Variants in HS6ST2 observed in about 807,000 individuals in gnomAD.
The protein encoded by HS6ST2 is heparan sulfate 6-O-sulfotransferase 2.
Under a neutral mutation model 33.0 loss-of-function variants are expected in HS6ST2, and 17 were observed. The ratio of observed to expected loss-of-function variants is 0.52; its 90% CI spans 0.35 to 0.77. HS6ST2 has a LOEUF of 0.77. HS6ST2 is among the 30% of genes least tolerant of loss of function. The probability of loss-of-function intolerance (pLI) is 0.01; values close to 1 mark genes in which losing one functional copy is unlikely to be tolerated. For missense variants in HS6ST2, 519 were observed against 551.7 expected, an observed-to-expected ratio of 0.94 and a Z score of 0.59; for synonymous variants, 248 against 237.1, an observed-to-expected ratio of 1.05 and a Z score of -0.42.
At chrX:132,657,420 AG>A (rs1367311817) in intron 4 of HS6ST2, among the ~76,000 whole-genome samples, 2 of 110,153 alleles carry the variant, frequency 1.8e-5, no homozygotes, top group Admixed American at 1.9e-4. Flanking sequence ...TGGTTGGGAA[AG>A]GACATAACGA....
intron 2 of HS6ST2, among the ~76,000 whole-genome samples, chrX:132,764,432 G>C (rs2064827168): frequency 8.9e-6 from 1 of 112,118 alleles, no homozygotes; most frequent in Non-Finnish European, 1.9e-5. Flanking sequence ...TCTTATTCTA[G>C]ACGATTCCTA....
intron 3 of HS6ST2, among the ~76,000 whole-genome samples, chrX:132,706,878 G>T (rs1465463210): frequency 9.0e-6 from 1 of 111,323 alleles, no homozygotes; most frequent in Admixed American, 9.6e-5. Flanking sequence ...TTCAAAAAGG[G>T]CCCCATTGAT....
At chrX:132,751,903 C>A (rs2064710375) in intron 2 of HS6ST2, among the ~76,000 whole-genome samples, 1 of 112,112 alleles carries the variant, frequency 8.9e-6, no homozygotes, top group East Asian at 2.8e-4. Context: ...ATCCAGTAGG[C>A]ACCTTTCCTG....
At chrX:132,765,630 T>C (rs1456985548) in intron 2 of HS6ST2, among the ~76,000 whole-genome samples, 1 of 110,704 alleles carries the variant, frequency 9.0e-6, no homozygotes, top group African/African-American at 3.3e-5. Context: ...CTAATGTTTT[T>C]TGTAAAGACA....
chrX:132,958,581 C>G lies in HS6ST2; in HGVS notation c.22G>C (p.Val8Leu), dbSNP rs746865889. The G allele has an allele frequency of 2.5e-6, 3 of 1,179,206 alleles. No individual in the cohort carries two copies. Among genetic ancestry groups the G allele is most frequent in the Non-Finnish European group, 3.4e-6 (3 of 878,974 alleles). MALPACA[V>L]REFEPPRQPE... ...TGCCGCGGCGGCTCGAACTCCCGGA[C>G]TGCACACGCAGGCAGTGCCATTCCC... The change falls in exon 1 of 5, where the codon GTC becomes CTC. Residue 8 changes from valine (V) to leucine (L), a missense_variant. Physicochemically the swap from Val to Leu is conservative, Grantham distance 32. Coordinates refer to ENST00000370833, the MANE Select transcript of HS6ST2 (RefSeq NM_001394073.1).
intron 3 of HS6ST2, among the ~76,000 whole-genome samples, chrX:132,677,570 TTGACTGAC>T (rs921784819): frequency 3.6e-5 from 4 of 112,331 alleles, no homozygotes; most frequent in African/African-American, 1.3e-4. Flanking sequence ...CTGAATTGAA[TTGACTGAC>T]TGACGCAAAC....
intron 2 of HS6ST2, among the ~76,000 whole-genome samples, chrX:132,935,811 G>A (rs917534009): frequency 5.5e-5 from 6 of 109,616 alleles, no homozygotes; most frequent in Non-Finnish European, 1.1e-4. Flanking sequence ...AAAACCTATG[G>A]GATGAAACAA....
chrX:132,771,838 T>C (rs2064903623), intron 2 of HS6ST2, among the ~76,000 whole-genome samples: 1 of 111,989 alleles, frequency 8.9e-6, no homozygotes, highest in South Asian at 3.7e-4. Flanking sequence ...TGGAGTGAGT[T>C]CAAAATTTGT....
At chrX:132,866,991 C>T (rs1354128535) in intron 2 of HS6ST2, among the ~76,000 whole-genome samples, 3 of 90,142 alleles carry the variant, frequency 3.3e-5, no homozygotes, top group Non-Finnish European at 6.5e-5. Flanking sequence ...TGCCTGATTG[C>T]CCTGGCCAGA....
intron 2 of HS6ST2, among the ~76,000 whole-genome samples, chrX:132,826,969 C>T: frequency 9.0e-6 from 1 of 111,116 alleles, no homozygotes; most frequent in Non-Finnish European, 1.9e-5. Context: ...ATTAAGATGA[C>T]TGAAAACTCC....
At chrX:132,892,463 T>C (rs769273076) in intron 2 of HS6ST2, among the ~76,000 whole-genome samples, 3 of 111,808 alleles carry the variant, frequency 2.7e-5, no homozygotes, top group Non-Finnish European at 5.6e-5. Context: ...TCATAGAGTA[T>C]TGCAATGTTC....
chrX:132,812,620 T>C (rs980493700), intron 2 of HS6ST2, among the ~76,000 whole-genome samples: 19 of 107,847 alleles, frequency 1.8e-4, no homozygotes, highest in African/African-American at 5.7e-4. Flanking sequence ...TTCTCCCACA[T>C]TTAAATAAAG....
At chrX:132,830,255 T>G (rs1431289786) in intron 2 of HS6ST2, among the ~76,000 whole-genome samples, 1 of 111,913 alleles carries the variant, frequency 8.9e-6, no homozygotes, top group Non-Finnish European at 1.9e-5. Flanking sequence ...CCAGAGTGCT[T>G]TTACATACAA....
At chrX:132,818,449 T>C (rs2065417718) in intron 2 of HS6ST2, among the ~76,000 whole-genome samples, 1 of 111,367 alleles carries the variant, frequency 9.0e-6, no homozygotes. Flanking sequence ...CTGTCCCTAA[T>C]ACTAATAATA....
At chrX:132,843,249 A>C (rs1348419817) in intron 2 of HS6ST2, among the ~76,000 whole-genome samples, 2 of 112,534 alleles carry the variant, frequency 1.8e-5, no homozygotes, top group East Asian at 2.8e-4. Context: ...AAATTCCTTC[A>C]AAAACAAATA....
intron 2 of HS6ST2, among the ~76,000 whole-genome samples, chrX:132,860,996 T>C (rs902928656): frequency 1.3e-4 from 14 of 109,726 alleles, no homozygotes; most frequent in African/African-American, 4.6e-4. Flanking sequence ...TTTCACCATG[T>C]TGGCCAGGCT....
chrX:132,852,047 A>T (rs1386185757), intron 2 of HS6ST2, among the ~76,000 whole-genome samples: 1 of 111,461 alleles, frequency 9.0e-6, no homozygotes, highest in East Asian at 2.8e-4. Flanking sequence ...GAGGCTGAGG[A>T]GGGAGGATCG....
At chrX:132,958,750 G>A (rs749207510), upstream of HS6ST2, 555 of 512,880 alleles carry the variant, frequency 1.1e-3, 1 homozygote, top group South Asian at 8.6e-3. Context: ...ACTCCGCTTA[G>A]CGCATCACTC....
chrX:132,683,155 A>G (rs1281689277), intron 3 of HS6ST2, among the ~76,000 whole-genome samples: 1 of 110,645 alleles, frequency 9.0e-6, no homozygotes, highest in African/African-American at 3.3e-5. Flanking sequence ...ACAATTAAAA[A>G]TTTCCCTTAA....
Sources: allele counts gnomAD v4.1 joint callset (sites outside exome capture counted in the v4.1 genomes callset), GRCh38; gene constraint gnomAD v4.1.1; transcripts MANE v1.5; gene names NCBI Gene and HGNC (gene_info 2026-07-23, HGNC 2026-07-21).